Variants in KLHL28 observed in about 807,000 individuals in gnomAD.
The protein encoded by KLHL28 is kelch-like protein 28.
Under a neutral mutation model 48.3 loss-of-function variants are expected in KLHL28, and 22 were observed. The observed-to-expected ratio is 0.46, with a 90% CI of 0.33 to 0.65. KLHL28 has a LOEUF of 0.65. Ranked by LOEUF, KLHL28 falls within the 30% of genes least tolerant of loss-of-function variation. The probability of loss-of-function intolerance (pLI) is 0.03; values close to 1 mark genes in which losing one functional copy is unlikely to be tolerated. For missense variants in KLHL28, 527 were observed against 704.3 expected (o/e 0.75, Z 2.85); for synonymous variants, 243 against 242.4 (o/e 1.00, Z -0.02).
chr14:44,945,912 G>A lies in KLHL28; in HGVS notation c.17C>T (p.Pro6Leu), dbSNP rs763048159. The change falls in exon 2 of 5, where the codon CCG (proline) becomes CTG (leucine). Residue 6 changes from proline to leucine, a missense_variant. By Grantham distance (98) the Pro-to-Leu change is moderately conservative. Transcript: ENST00000396128. Reference sequence around the variant, plus strand: ...GGTTAAGTTAGCAAGCATGTAGGTCGGGGATGTGTGGTCCATCTACAGAAA... The same window carrying A: ...GGTTAAGTTAGCAAGCATGTAGGTCAGGGATGTGTGGTCCATCTACAGAAA... MDHTS[P>L]TYMLANLTHL... 9.3e-6 allele frequency: 15 copies of A among 1,611,774 alleles called. No individual in the cohort carries two copies. The highest frequency in any genetic ancestry group is 4.5e-5 in the East Asian group (2 of 44,850).
chr14:44,934,595 C>T (rs1344577069), intron 2 of KLHL28, 37 bp from the exon 3 acceptor site: 1 of 1,429,078 alleles, frequency 7.0e-7, no homozygotes, highest in Admixed American at 2.4e-5. Flanking sequence ...AATTTAAAAA[C>T]CAAAGTGGCC....
chr14:44,925,322 G>A lies in KLHL28; in HGVS notation c.*3706C>T, dbSNP rs920895376. ...CATATATTTCTCTCAATGTCAGCCAGAGTCTTGATACTACAGGAAATATAT... is the reference window on the plus strand; with the variant it reads ...CATATATTTCTCTCAATGTCAGCCAAAGTCTTGATACTACAGGAAATATAT... On this transcript the variant is annotated 3_prime_UTR_variant, in exon 5 of 5. Transcript: ENST00000396128. 3.3e-5 allele frequency: 5 copies of A among 152,138 alleles called. No individual in the cohort carries two copies. The highest frequency in any genetic ancestry group is 7.2e-5 in the African/African-American group (3 of 41,456). 9.4% of individuals were successfully genotyped at this position (152,138 alleles called of 1,614,324 possible).
At position 44,929,012 on chromosome 14, in the gene KLHL28, CGA is replaced by C; in HGVS notation, c.*14_*15del. The C allele has an allele frequency of 6.2e-7, 1 of 1,612,066 alleles. No homozygotes were observed. The highest frequency in any genetic ancestry group is 8.5e-7 in the Non-Finnish European group (1 of 1,178,744). On this transcript the variant is annotated 3_prime_UTR_variant, in exon 5 of 5. Coordinates refer to ENST00000396128, the MANE Select transcript of KLHL28 (RefSeq NM_017658.5). The stretch of plus-strand genomic sequence containing the variant: ...ACAAGTTTCACCACCATACTATTTC[CGA>C]GAGTTCACATTTGTCAAAGTGCAGT...
chr14:44,942,222 T>A (rs1884131627), intron 2 of KLHL28, among the ~76,000 whole-genome samples: 1 of 152,124 alleles, frequency 6.6e-6, no homozygotes, highest in Non-Finnish European at 1.5e-5. Context: ...AAAGAACTCA[T>A]TCATCTTGGA....
At chr14:44,951,797 T>C (rs997900331) in intron 1 of KLHL28, among the ~76,000 whole-genome samples, 24 of 152,302 alleles carry the variant, frequency 1.6e-4, no homozygotes, top group African/African-American at 5.3e-4. Flanking sequence ...AAGGTAAAAA[T>C]AGGGAACTTA....
chr14:44,950,455 G>A (rs1402605647), intron 1 of KLHL28, among the ~76,000 whole-genome samples: 1 of 152,060 alleles, frequency 6.6e-6, no homozygotes, highest in African/African-American at 2.4e-5. Flanking sequence ...TAATTTTTGT[G>A]TACCCAATTC....
At chr14:44,958,616 T>C (rs1489166382) in intron 1 of KLHL28, among the ~76,000 whole-genome samples, 3 of 152,100 alleles carry the variant, frequency 2.0e-5, no homozygotes, top group Admixed American at 6.5e-5. Context: ...TGACTTTTAT[T>C]GACAAACAAA....
At chr14:44,935,119 A>T (rs1434824967) in intron 2 of KLHL28, among the ~76,000 whole-genome samples, 1 of 152,240 alleles carries the variant, frequency 6.6e-6, no homozygotes, top group Non-Finnish European at 1.5e-5. Context: ...GTGCCATATC[A>T]TATAAAAGAA....
chr14:44,934,107 T>C lies in KLHL28; in HGVS notation c.1343+8A>G. 1 of 1,580,016 alleles carries C rather than the reference T, an allele frequency of 6.3e-7. No homozygotes were observed. The highest frequency in any genetic ancestry group is 8.6e-7 in the Non-Finnish European group (1 of 1,161,094). ...AAACATATGCAATTTAATTATTAAGTTAAATACCTGTTCATGTGGGCAGGA... is the reference window on the plus strand; with the variant it reads ...AAACATATGCAATTTAATTATTAAGCTAAATACCTGTTCATGTGGGCAGGA... On this transcript the variant is annotated splice_region_variant and intron_variant, in intron 3 of 4. Coordinates refer to ENST00000396128, the MANE Select transcript of KLHL28 (RefSeq NM_017658.5).
rs566056991 is a variant in KLHL28 at position 44,944,399 on chromosome 14, G to T, written c.899+631C>A. Among the ~76,000 whole-genome samples, 5 of 152,274 alleles carry T rather than the reference G, an allele frequency of 3.3e-5. No homozygotes were observed. In the South Asian group the frequency reaches 6.2e-4, roughly 19 times the overall value. On this transcript the variant is annotated intron_variant, in intron 2 of 4. Coordinates refer to ENST00000396128, the MANE Select transcript of KLHL28 (RefSeq NM_017658.5). ...AAGTAGATGCCACAAAGATTACATGGCTCACAAAGTCTAAAATATTTACTG... is the reference window on the plus strand; with the variant it reads ...AAGTAGATGCCACAAAGATTACATGTCTCACAAAGTCTAAAATATTTACTG...
rs1301480039 is a variant in KLHL28, at chr14:44,934,552, C to G, written c.906G>C (p.Glu302Asp). Residue 302 changes from glutamate (E) to aspartate (D), a missense_variant, in exon 3 of 5, where the codon GAG becomes GAC. Coordinates refer to ENST00000396128, the MANE Select transcript of KLHL28 (RefSeq NM_017658.5). ...AAGAGTCATTCTGAGGAAAGTACAT[C>G]TCCACACTAAAGAATAAGCAGAAAA... ...SGLFACLDSV[E>D]MYFPQNDSWI... The G allele has an allele frequency of 2.6e-6, 4 of 1,563,240 alleles. No homozygotes were observed. The highest frequency in any genetic ancestry group is 2.1e-5 in the Admixed American group (1 of 48,462).
chr14:44,951,632 T>C (rs1286384219), intron 1 of KLHL28, among the ~76,000 whole-genome samples: 1 of 152,200 alleles, frequency 6.6e-6, no homozygotes, highest in Non-Finnish European at 1.5e-5. Flanking sequence ...AAAAGTAACT[T>C]CATAAAAGAA....
intron 2 of KLHL28, among the ~76,000 whole-genome samples, chr14:44,937,845 C>T (rs1461294120): frequency 2.6e-5 from 4 of 152,090 alleles, no homozygotes; most frequent in Non-Finnish European, 5.9e-5. Context: ...GGCAGCCGGA[C>T]TTATCCTTTT....
At position 44,926,870 on chromosome 14, in the gene KLHL28, G is replaced by C. The variant is rs1883391310; in HGVS notation, c.*2158C>G. ...TTTTGGGAATAGGGGATTAAAAATA[G>C]TATAATAGGATATATTTAATAATTT... On this transcript the variant is annotated 3_prime_UTR_variant, in exon 5 of 5. Transcript: ENST00000396128. 6.6e-6 allele frequency: 1 copy of C among 152,344 alleles called. No individual in the cohort carries two copies. The highest frequency in any genetic ancestry group is 1.5e-5 in the Non-Finnish European group (1 of 68,024). 9.4% of individuals were successfully genotyped at this position (152,344 alleles called of 1,614,324 possible).
chr14:44,957,829 C>G (rs1461265992), intron 1 of KLHL28, among the ~76,000 whole-genome samples: 1 of 152,046 alleles, frequency 6.6e-6, no homozygotes, highest in Non-Finnish European at 1.5e-5. Flanking sequence ...TAAATAAGCT[C>G]AGAATTTCTT....
intron 1 of KLHL28, chr14:44,960,965 C>T: frequency 7.4e-7 from 1 of 1,350,666 alleles, no homozygotes. Flanking sequence ...AGACTTTTCG[C>T]ACGAGTCATT....
At chr14:44,949,740 C>A (rs1344501175) in intron 1 of KLHL28, among the ~76,000 whole-genome samples, 1 of 152,108 alleles carries the variant, frequency 6.6e-6, no homozygotes, top group East Asian at 1.9e-4. Context: ...GATTCCAAAC[C>A]AACTACCCAA....
intron 1 of KLHL28, among the ~76,000 whole-genome samples, chr14:44,948,555 A>G (rs1884440519): frequency 6.6e-6 from 1 of 152,138 alleles, no homozygotes; most frequent in Non-Finnish European, 1.5e-5. Context: ...GTGATTCTCT[A>G]AAGTATAAAG....
chr14:44,938,100 G>T (rs1566566492), intron 2 of KLHL28, among the ~76,000 whole-genome samples: 1 of 152,000 alleles, frequency 6.6e-6, no homozygotes, highest in East Asian at 1.9e-4. Flanking sequence ...CATCCCAATA[G>T]CCCCAAAAGT....
Sources: gnomAD v4.1 joint callset for allele counts (sites outside exome capture counted in the v4.1 genomes callset) on GRCh38, gnomAD v4.1.1 for gene constraint, MANE v1.5 for transcripts, NCBI Gene and HGNC (gene_info 2026-07-23, HGNC 2026-07-21) for gene names.